DRAXIN: variants seen among roughly 807,000 people sequenced by gnomAD.
DRAXIN encodes dorsal inhibitory axon guidance protein.
DRAXIN carries 27 observed loss-of-function variants against 33.9 expected under a neutral mutation model. The observed-to-expected ratio is 0.80, with a 90% confidence interval of 0.59 to 1.10. The LOEUF is 1.10. Among genes scored for constraint, DRAXIN ranks in the 50% least tolerant of loss-of-function variants. The probability of loss-of-function intolerance (pLI) is 0.00; values close to 1 mark genes in which losing one functional copy is unlikely to be tolerated. For missense variants in DRAXIN, 371 were observed against 460.8 expected, an observed-to-expected ratio of 0.81 and a Z score of 1.78; for synonymous variants, 178 against 194.0, an observed-to-expected ratio of 0.92 and a Z score of 0.69.
intron 6 of DRAXIN, 47 bp from the exon 7 acceptor site, chr1:11,719,508 CCCGAGCGTGCAGGGGAAGGAAGGGGAGGG>C: frequency 7.6e-7 from 1 of 1,323,590 alleles, no homozygotes; most frequent in Non-Finnish European, 1.1e-6. Context: ...GCTGGCTGGC[CCCGAGCGTGCAGGGGAAGGAAGGGGAGGG>C]CACGGGCCCT....
rs1341013987 is a variant in DRAXIN, at chr1:11,691,720, A to AGCCCGGGCACATCCTCCGGCT, written c.-138_-118dup. ...CTCCCCCTTCCTTCCAGTCCCGCTC[A>AGCCCGGGCACATCCTCCGGCT]GCCCGGGCACATCCTCCGGCTGCCC... On this transcript the variant is annotated 5_prime_UTR_variant, in exon 1 of 7. Coordinates refer to ENST00000294485, the MANE Select transcript of DRAXIN (RefSeq NM_198545.4). 1 of 126,606 alleles carries AGCCCGGGCACATCCTCCGGCT rather than the reference A, an allele frequency of 7.9e-6. No individual in the cohort carries two copies. The highest frequency in any genetic ancestry group is 3.0e-5 in the African/African-American group (1 of 33,868). The allele number at this position is 126,606 out of a possible 1,614,324, so 7.8% of individuals were successfully genotyped here. A position where few individuals can be genotyped will look rare whatever the true frequency, so the allele number is the denominator to read the frequency against.
chr1:11,706,699 G>T lies in DRAXIN; in HGVS notation c.441G>T (p.Arg147Ser). 6.3e-7 allele frequency: 1 copy of T among 1,577,020 alleles called. No individual in the cohort carries two copies. The highest frequency in any genetic ancestry group is 8.6e-7 in the Non-Finnish European group (1 of 1,166,222). The change falls in exon 2 of 7, where the codon AGG becomes AGT. Residue 147 changes from arginine to serine, a missense_variant. Physicochemically the swap from Arg to Ser is moderately radical, Grantham distance 110. Transcript: ENST00000294485. The surrounding 1 kb of genome is among the most constrained non-coding windows in gnomAD (Gnocchi z 5.5). ...ACAAGAGACGCAGGGACAGGTTGAG[G>T]CTGCACCAAGGTAGCTGGAGGGCTG... ...REHKRRRDRLRLHQGRALVRG... is the reference protein window; with the variant it reads ...REHKRRRDRLSLHQGRALVRG...
upstream of DRAXIN, among the ~76,000 whole-genome samples, chr1:11,690,167 T>C (rs1231278255): frequency 6.6e-6 from 1 of 152,150 alleles, no homozygotes; most frequent in East Asian, 1.9e-4. This position sits in a 1 kb window ranked among gnomAD's most constrained non-coding sequence, Gnocchi z 4.2. Context: ...TGTTCACTTA[T>C]CTTCTGTCTC....
Position 11,692,327 on chromosome 1 carries a change from G to A in DRAXIN, c.-11+474G>A, listed in dbSNP as rs970367409. On this transcript the variant is annotated intron_variant, in intron 1 of 6. Transcript: ENST00000294485. This position sits in a 1 kb window ranked among gnomAD's most constrained non-coding sequence, Gnocchi z 5.8. ...GTCTTCGAAGACTCCCTGAGCCCCG[G>A]GCAGAGCTGGCGGGCGTGCCCTCCA... 6.6e-6 allele frequency among the ~76,000 whole-genome samples: 1 copy of A among 152,150 alleles called. No homozygotes were observed. The highest frequency in any genetic ancestry group is 6.5e-5 in the Admixed American group (1 of 15,284).
rs1641197376 is a variant in DRAXIN at position 11,696,678 on chromosome 1, CTCTG to C, written c.-11+4831_-11+4834del. Among the ~76,000 whole-genome samples, 1 of 152,026 alleles carries C rather than the reference CTCTG, an allele frequency of 6.6e-6. No homozygotes were observed. On this transcript the variant is annotated intron_variant, in intron 1 of 6. Coordinates refer to ENST00000294485, the MANE Select transcript of DRAXIN (RefSeq NM_198545.4). The surrounding 1 kb of genome is among the most constrained non-coding windows in gnomAD (Gnocchi z 4.7). ...GAACATCCTAATCAACACGGTGAAACTCTGTCTGTACTAAAAATGCAAAAATTAG... is the reference window on the plus strand; with the variant it reads ...GAACATCCTAATCAACACGGTGAAACTCTGTACTAAAAATGCAAAAATTAG...
intron 1 of DRAXIN, among the ~76,000 whole-genome samples, chr1:11,701,739 G>C (rs576753051): frequency 1.3e-5 from 2 of 152,308 alleles, no homozygotes; most frequent in East Asian, 3.9e-4. Flanking sequence ...CGGGCTGCGG[G>C]GAGGCGGAGG....
intron 4 of DRAXIN, among the ~76,000 whole-genome samples, 153 bp downstream of exon 4, chr1:11,712,118 C>T (rs1319670277): frequency 2.0e-5 from 3 of 152,148 alleles, no homozygotes; most frequent in Non-Finnish European, 2.9e-5. Context: ...AACCTGGAAA[C>T]ACCACTTGGA....
chr1:11,710,887 A>C (rs1280265732), intron 3 of DRAXIN, among the ~76,000 whole-genome samples: 4 of 133,666 alleles, frequency 3.0e-5, no homozygotes, highest in Non-Finnish European at 1.5e-5. Context: ...ACGCCACTGC[A>C]CTCCAGCCTG....
chr1:11,702,477 C>T (rs1310112353), intron 1 of DRAXIN, among the ~76,000 whole-genome samples: 5 of 151,706 alleles, frequency 3.3e-5, no homozygotes, highest in Non-Finnish European at 1.5e-5. Context: ...CCTACACACC[C>T]ACACATATTC....
rs1464204207 is a variant in DRAXIN, at chr1:11,709,480, A to G, written c.642+15A>G. On this transcript the variant is annotated intron_variant, in intron 3 of 6. Coordinates refer to ENST00000294485, the MANE Select transcript of DRAXIN (RefSeq NM_198545.4). ...TGCGGCCCCAGGTAAGGGGTCCCCA[A>G]ACAGCCTCGGATCTGGAAGGGTCCT... The G allele has an allele frequency of 6.2e-7, 1 of 1,607,726 alleles. No homozygotes were observed. The highest frequency in any genetic ancestry group is 8.5e-7 in the Non-Finnish European group (1 of 1,177,068).
chr1:11,693,629 C>A (rs1262316852), intron 1 of DRAXIN, among the ~76,000 whole-genome samples: 7 of 152,156 alleles, frequency 4.6e-5, no homozygotes, highest in Non-Finnish European at 1.0e-4. Context: ...GGCTGGATAT[C>A]CCCACGACAT....
Position 11,706,839 on chromosome 1 carries a change from A to T in DRAXIN, c.451+130A>T. Reference sequence around the variant, plus strand: ...AGAGGAGGGGTCTCACTGAAGCCAGAGGGACCTGGTAAGGGGAGGAGGCTG... The same window carrying T: ...AGAGGAGGGGTCTCACTGAAGCCAGTGGGACCTGGTAAGGGGAGGAGGCTG... On this transcript the variant is annotated intron_variant, in intron 2 of 6. Transcript: ENST00000294485. The surrounding 1 kb of genome is among the most constrained non-coding windows in gnomAD (Gnocchi z 5.5). 1 of 1,015,430 alleles carries T rather than the reference A, an allele frequency of 9.8e-7. No individual in the cohort carries two copies. Among genetic ancestry groups the T allele is most frequent in the East Asian group, 2.7e-5 (1 of 37,100 alleles). The allele number at this position is 1,015,430 out of a possible 1,614,324, so 62.9% of individuals were successfully genotyped here.
At chr1:11,709,493 C>G in intron 3 of DRAXIN, 28 bp downstream of exon 3, 1 of 1,598,208 alleles carries the variant, frequency 6.3e-7, no homozygotes, top group Non-Finnish European at 8.5e-7. Context: ...AGCCTCGGAT[C>G]TGGAAGGGTC....
At position 11,723,740 on chromosome 1, in the gene DRAXIN, G is replaced by C. The variant is rs1396521049; in HGVS notation, c.*4044G>C. 2.0e-5 allele frequency: 3 copies of C among 152,078 alleles called. No individual in the cohort carries two copies. Among genetic ancestry groups the C allele is most frequent in the Admixed American group, 2.0e-4 (3 of 15,242 alleles). The allele number at this position is 152,078 out of a possible 1,614,324, so 9.4% of individuals were successfully genotyped here. On this transcript the variant is annotated 3_prime_UTR_variant, in exon 7 of 7. Transcript: ENST00000294485. ...CTCGCGTACCTGGGATTATAGGCAA[G>C]CATCACCACGCCCGGTTACTGTTTG...
At position 11,692,011 on chromosome 1, in the gene DRAXIN, C is replaced by G. The variant is rs1242323616; in HGVS notation, c.-11+158C>G. On this transcript the variant is annotated intron_variant, in intron 1 of 6. Transcript: ENST00000294485. The surrounding 1 kb of genome is among the most constrained non-coding windows in gnomAD (Gnocchi z 5.8). ...CTGCCTCCTTCCCAGCCCTCGGACC[C>G]GTCTATCCGCCAGTCCTTCCGCCGC... 1.3e-5 allele frequency among the ~76,000 whole-genome samples: 2 copies of G among 151,912 alleles called. No homozygotes were observed. Among genetic ancestry groups the G allele is most frequent in the Non-Finnish European group, 1.5e-5 (1 of 67,938 alleles).
intron 1 of DRAXIN, among the ~76,000 whole-genome samples, chr1:11,700,714 G>T (rs1641258161): frequency 6.6e-6 from 1 of 152,218 alleles, no homozygotes; most frequent in Admixed American, 6.5e-5. Flanking sequence ...GGTTCTCCCC[G>T]TGGGGGGTTG....
At chr1:11,702,727 C>T (rs1032976472) in intron 1 of DRAXIN, among the ~76,000 whole-genome samples, 2 of 151,048 alleles carry the variant, frequency 1.3e-5, no homozygotes, top group Non-Finnish European at 2.9e-5. Flanking sequence ...TATTTATGAT[C>T]TTCTGCCGAG....
chr1:11,710,758 C>CAA (rs1222886420), intron 3 of DRAXIN, among the ~76,000 whole-genome samples: 17,735 of 104,946 alleles, frequency 0.17, 1,297 homozygotes, highest in East Asian at 0.3. Flanking sequence ...ACTAAAAATA[C>CAA]AAAAAAAAAA....
At position 11,719,977 on chromosome 1, in the gene DRAXIN, C is replaced by T; in HGVS notation, c.*281C>T. 4.8e-6 allele frequency: 2 copies of T among 419,402 alleles called. No homozygotes were observed. The highest frequency in any genetic ancestry group is 8.2e-5 in the East Asian group (2 of 24,294). The allele number at this position is 419,402 out of a possible 1,614,324, so 26.0% of individuals were successfully genotyped here. ...CAATGCCGAGAGTGCCCTCTACTGTCCGACTCCAGCACTGCAACAGCTTCA... is the reference window on the plus strand; with the variant it reads ...CAATGCCGAGAGTGCCCTCTACTGTTCGACTCCAGCACTGCAACAGCTTCA... On this transcript the variant is annotated 3_prime_UTR_variant, in exon 7 of 7. Transcript: ENST00000294485.
Sources: gnomAD v4.1 joint callset for allele counts (sites outside exome capture counted in the v4.1 genomes callset) on GRCh38, gnomAD v4.1.1 for gene constraint, Gnocchi (gnomAD v3.1) non-coding constraint, MANE v1.5 for transcripts, NCBI Gene and HGNC (gene_info 2026-07-23, HGNC 2026-07-21) for gene names.